ZEB2: variants seen among roughly 807,000 people sequenced by gnomAD.
The protein encoded by ZEB2 is zinc finger E-box-binding homeobox 2.
Under a neutral mutation model 99.9 loss-of-function variants are expected in ZEB2, and 6 were observed. That is an observed-to-expected ratio of 0.06 (90% CI 0.03 to 0.12). The LOEUF (loss-of-function observed/expected upper bound fraction) is 0.12. Among genes scored for constraint, ZEB2 ranks in the 10% least tolerant of loss-of-function variants. The probability of loss-of-function intolerance (pLI) is 1.00; values close to 1 mark genes in which losing one functional copy is unlikely to be tolerated. For synonymous variants in ZEB2, 517 were observed against 542.5 expected (o/e 0.95, Z 0.65); for missense variants, 969 against 1,502.8 (o/e 0.64, Z 5.87).
chr2:144,519,630 C>T, intron 1 of ZEB2: 1 of 209,044 alleles, frequency 4.8e-6, no homozygotes, highest in Non-Finnish European at 9.9e-6. Context: ...AAAACTTTTC[C>T]TGGGCTGGAT....
rs1224929555 is a variant in ZEB2 at position 144,404,028 on chromosome 2, T to C, written c.695A>G (p.Tyr232Cys). 6.2e-7 allele frequency: 1 copy of C among 1,613,986 alleles called. No homozygotes were observed. The highest frequency in any genetic ancestry group is 8.5e-7 in the Non-Finnish European group (1 of 1,180,028). The part of the protein sequence containing the change: ...RLTSLKEHIK[Y>C]RHEKNEENFS... The stretch of plus-strand genomic sequence containing the variant: ...GTTCTCTTCATTCTTCTCGTGGCGG[T>C]ACTTGATGTGCTCCTTCAGTGATGT... The change falls in exon 6 of 10, where the codon TAC becomes TGC. Residue 232 changes from tyrosine to cysteine, a missense_variant. Tyr to Cys is a radical substitution (Grantham distance 194). Coordinates refer to ENST00000627532, the MANE Select transcript of ZEB2 (RefSeq NM_014795.4).
chr2:144,390,102 A>C (rs887808077), intron 9 of ZEB2, 74 bp from the exon 10 acceptor site: 18 of 1,472,200 alleles, frequency 1.2e-5, no homozygotes, highest in Middle Eastern at 1.7e-4. Flanking sequence ...TCTGTACGCG[A>C]GTCCAGACTC....
intron 2 of ZEB2, among the ~76,000 whole-genome samples, chr2:144,433,820 T>G (rs775300212): frequency 3.9e-5 from 6 of 152,188 alleles, no homozygotes; most frequent in Non-Finnish European, 5.9e-5. Flanking sequence ...ATAACTTTTA[T>G]TTTCAGATTT....
intron 2 of ZEB2, among the ~76,000 whole-genome samples, chr2:144,488,775 C>G (rs145881209): frequency 6.6e-6 from 1 of 151,642 alleles, no homozygotes; most frequent in Non-Finnish European, 1.5e-5. Context: ...ATCTTACCTA[C>G]GGTAAATGAA....
intron 2 of ZEB2, among the ~76,000 whole-genome samples, chr2:144,508,764 A>C (rs1257057848): frequency 6.6e-6 from 1 of 152,034 alleles, no homozygotes; most frequent in Admixed American, 6.6e-5. Flanking sequence ...TCACTGTCCG[A>C]ACTGGCCTCT....
intron 2 of ZEB2, chr2:144,430,540 G>A (rs1482705554): frequency 5.5e-6 from 1 of 180,926 alleles, no homozygotes; most frequent in African/African-American, 2.4e-5. Flanking sequence ...ACACAAACCT[G>A]CTCCATCTGA....
rs940490712 is a variant in ZEB2, at chr2:144,517,775, G to T, written c.-69-356C>A. 7 of 683,448 alleles carry T rather than the reference G, an allele frequency of 1.0e-5. No individual in the cohort carries two copies. In the African/African-American group the frequency reaches 1.2e-4, roughly 12 times the overall value. The allele number at this position is 683,448 out of a possible 1,614,324, so 42.3% of individuals were successfully genotyped here. A position where few individuals can be genotyped will look rare whatever the true frequency, so the allele number is the denominator to read the frequency against. ...TCCTTCGAAAAGTCCTCAGCCCCCG[G>T]CTCGGGAACTTGGGGTGAGGCGAGG... On this transcript the variant is annotated intron_variant, in intron 1 of 9. Coordinates refer to ENST00000627532, the MANE Select transcript of ZEB2 (RefSeq NM_014795.4).
chr2:144,447,723 G>A (rs1245236685), intron 2 of ZEB2, among the ~76,000 whole-genome samples: 3 of 152,182 alleles, frequency 2.0e-5, no homozygotes. Context: ...AGCTTCGCAT[G>A]CCCTTCTGAC....
intron 2 of ZEB2, chr2:144,512,441 A>G: frequency 7.8e-7 from 1 of 1,287,262 alleles, no homozygotes; most frequent in Non-Finnish European, 1.0e-6. Context: ...AATATTCTTA[A>G]TATGGCATCA....
chr2:144,486,006 G>A (rs1032762352), intron 2 of ZEB2, among the ~76,000 whole-genome samples: 6 of 152,164 alleles, frequency 3.9e-5, no homozygotes, highest in Non-Finnish European at 8.8e-5. Flanking sequence ...ATATTTTTGA[G>A]TTAGTGTTAT....
chr2:144,513,633 C>T (rs1159946857), intron 2 of ZEB2: 2 of 1,533,352 alleles, frequency 1.3e-6, no homozygotes, highest in Non-Finnish European at 1.7e-6. Context: ...GGCAGACCCT[C>T]TTCCCGGGCT....
intron 9 of ZEB2, 128 bp from the exon 10 acceptor site, chr2:144,390,156 C>T: frequency 2.0e-6 from 2 of 988,658 alleles, no homozygotes; most frequent in Non-Finnish European, 1.5e-6. Context: ...CAACACACCC[C>T]GGTCTAATCG....
Position 144,398,279 on chromosome 2 carries a change from A to C in ZEB2, c.2886+22T>G, listed in dbSNP as rs541054206. ...AATTGCCACCTCTTTTCTTCATAGC[A>C]GAAAAACATTTGTCTCTTTACCTGA... is the stretch of plus-strand genomic sequence containing the variant. On this transcript the variant is annotated intron_variant, in intron 8 of 9. Coordinates refer to ENST00000627532, the MANE Select transcript of ZEB2 (RefSeq NM_014795.4). 4 of 1,612,496 alleles carry C rather than the reference A, an allele frequency of 2.5e-6. No homozygotes were observed. In the South Asian group the frequency reaches 4.4e-5, roughly 18 times the overall value.
At chr2:144,400,916 T>G (rs1573718275) in intron 7 of ZEB2, among the ~76,000 whole-genome samples, 1 of 152,228 alleles carries the variant, frequency 6.6e-6, no homozygotes, top group African/African-American at 2.4e-5. Flanking sequence ...ATATTTATTC[T>G]GGAGAAGCGG....
chr2:144,501,973 T>C (rs184393204), intron 2 of ZEB2, among the ~76,000 whole-genome samples: 109 of 152,350 alleles, frequency 7.2e-4, no homozygotes, highest in African/African-American at 2.5e-3. Context: ...CCGACCTGTA[T>C]CACTCTTTCT....
At chr2:144,461,626 A>T (rs938267092) in intron 2 of ZEB2, 2 of 152,256 alleles carry the variant, frequency 1.3e-5, no homozygotes, top group Non-Finnish European at 2.9e-5. Flanking sequence ...ACCGTTGCAT[A>T]TTAATGCCCC....
rs1379815395 is a variant in ZEB2, at chr2:144,398,735, A to G, written c.2452T>C (p.Leu818=). ...TCTTTCATTTGTTTTGGTAATGACA[A>G]GTCTAAAGGCTCAGCCTGGAGCTCC... ...SEELQAEPLD[L]SLPKQMKEPK... is the part of the protein sequence containing the mutation. Residue 818 remains leucine, a synonymous_variant, in exon 8 of 10, where the codon TTG becomes CTG. Transcript: ENST00000627532. 6.2e-7 allele frequency: 1 copy of G among 1,614,028 alleles called. No individual in the cohort carries two copies. Among genetic ancestry groups the G allele is most frequent in the Non-Finnish European group, 8.5e-7 (1 of 1,180,040 alleles).
chr2:144,462,564 TTATGA>T (rs1704209589), intron 2 of ZEB2: 2 of 152,118 alleles, frequency 1.3e-5, no homozygotes, highest in Non-Finnish European at 2.9e-5. Flanking sequence ...AAATGAGAAA[TTATGA>T]TATAACTCAA....
intron 2 of ZEB2, among the ~76,000 whole-genome samples, chr2:144,497,956 TATATATTAATATTATATATTATATA>T (rs1560650689): frequency 1.9e-4 from 10 of 51,292 alleles, no homozygotes; most frequent in South Asian, 6.8e-4. Context: ...TATTATATAA[TATATATTAATATTATATATTATATA>T]ATATATTAAT....
Sources: allele counts gnomAD v4.1 joint callset (sites outside exome capture counted in the v4.1 genomes callset), GRCh38; gene constraint gnomAD v4.1.1; transcripts MANE v1.5; gene names NCBI Gene and HGNC (gene_info 2026-07-23, HGNC 2026-07-21).